The following HOOK3 variants were observed in gnomAD, a reference collection of about 807,000 sequenced individuals.
HOOK3 encodes protein Hook homolog 3.
A neutral mutation model predicts 116.3 loss-of-function variants in HOOK3; 24 were observed. The observed-to-expected ratio is 0.21, with a 90% CI of 0.15 to 0.29. The LOEUF is 0.29. HOOK3 is among the 10% of genes least tolerant of loss of function. The pLI is 1.00. For missense variants in HOOK3, 632 were observed against 830.2 expected, an observed-to-expected ratio of 0.76 and a Z score of 2.93; for synonymous variants, 275 against 283.0, an observed-to-expected ratio of 0.97 and a Z score of 0.28.
intron 4 of HOOK3, among the ~76,000 whole-genome samples, chr8:42,933,256 A>G (rs1305375171): frequency 6.6e-6 from 1 of 152,236 alleles, no homozygotes; most frequent in Middle Eastern, 3.2e-3. Flanking sequence ...TATATGCCAT[A>G]TGATACCAGT....
In HOOK3 at chr8:43,027,732, A is replaced by C. The variant is rs1305134147; in HGVS notation, c.*9234A>C. The C allele has an allele frequency of 9.5e-6, 2 of 210,826 alleles. No individual in the cohort carries two copies. The highest frequency in any genetic ancestry group is 1.9e-5 in the Non-Finnish European group (2 of 103,266). 13.1% of individuals were successfully genotyped at this position (210,826 alleles called of 1,614,324 possible). ...TTCTTGTTAACCTAGACAAGAGTAG[A>C]TTATTCAGTAGCCACATGTGACAGT... On this transcript the variant is annotated 3_prime_UTR_variant, in exon 22 of 22. Transcript: ENST00000307602.
intron 13 of HOOK3, among the ~76,000 whole-genome samples, chr8:42,975,899 G>T (rs7833510): frequency 1.0e-3 from 157 of 152,126 alleles, no homozygotes; most frequent in African/African-American, 3.6e-3. Flanking sequence ...TAGAGACAGG[G>T]TTTCACCGTG....
intron 14 of HOOK3, among the ~76,000 whole-genome samples, 187 bp downstream of exon 14, chr8:42,982,883 T>G (rs1808978711): frequency 6.6e-6 from 1 of 152,120 alleles, no homozygotes; most frequent in African/African-American, 2.4e-5. Flanking sequence ...GAAAATTGAT[T>G]TGCTCACTTC....
At chr8:42,900,572 T>C (rs1310179437) in intron 1 of HOOK3, among the ~76,000 whole-genome samples, 7 of 152,184 alleles carry the variant, frequency 4.6e-5, no homozygotes, top group Non-Finnish European at 1.0e-4. Flanking sequence ...CATTCCATTC[T>C]CCTCTGCCTA....
intron 13 of HOOK3, among the ~76,000 whole-genome samples, chr8:42,979,105 A>T (rs1332871168): frequency 1.3e-5 from 2 of 152,068 alleles, no homozygotes; most frequent in African/African-American, 4.8e-5. Context: ...CTAAATATAT[A>T]TTATAAAAAT....
chr8:43,015,206 G>A (rs985934554), intron 21 of HOOK3, among the ~76,000 whole-genome samples: 8 of 151,928 alleles, frequency 5.3e-5, no homozygotes, highest in Admixed American at 1.3e-4. Context: ...AGAGGAAATC[G>A]TATCAGAGTT....
At chr8:42,988,865 G>GT (rs1031490578) in intron 15 of HOOK3, among the ~76,000 whole-genome samples, 1 of 152,096 alleles carries the variant, frequency 6.6e-6, no homozygotes, top group Non-Finnish European at 1.5e-5. Flanking sequence ...CTCACAGGAT[G>GT]TTTTTTCTCC....
intron 10 of HOOK3, 64 bp downstream of exon 10, chr8:42,966,677 T>C: frequency 6.4e-7 from 1 of 1,552,094 alleles, no homozygotes; most frequent in Non-Finnish European, 8.8e-7. Context: ...CTAGGGTTTC[T>C]GAGGATCTAG....
Position 43,025,539 on chromosome 8 carries a change from T to G in HOOK3, c.*7041T>G, listed in dbSNP as rs879471286. On this transcript the variant is annotated 3_prime_UTR_variant, in exon 22 of 22. Transcript: ENST00000307602. ...TTCAGTAAAAGAGTAAACAAATATC[T>G]AATTTATTTTCTAATTGTCCTTCCC... 9.4e-6 allele frequency: 2 copies of G among 211,714 alleles called. No homozygotes were observed. The highest frequency in any genetic ancestry group is 1.9e-4 in the South Asian group (1 of 5,358). 13.1% of individuals were successfully genotyped at this position (211,714 alleles called of 1,614,324 possible).
Position 42,906,153 on chromosome 8 carries a change from C to G in HOOK3, c.58-20C>G, listed in dbSNP as rs200253742. 8.1e-5 allele frequency: 90 copies of G among 1,112,704 alleles called. 6 individuals are homozygous for G. Among genetic ancestry groups the G allele is most frequent in the Middle Eastern group, 4.3e-4 (2 of 4,696 alleles). 68.9% of individuals were successfully genotyped at this position (1,112,704 alleles called of 1,614,324 possible). ...GGTAACCACAGAATCTCTCCCCCCCCCCTCTTTTTTTCCCTTCAGATCCAG... is the reference window on the plus strand; with the variant it reads ...GGTAACCACAGAATCTCTCCCCCCCGCCTCTTTTTTTCCCTTCAGATCCAG... On this transcript the variant is annotated intron_variant, in intron 1 of 21. Transcript: ENST00000307602.
Position 43,027,841 on chromosome 8 carries a change from T to TA in HOOK3, c.*9344dup, listed in dbSNP as rs1343455854. ...TCCACAGTCACATGTGGATAGTAGT[T>TA]ACCTATCAGACAGTACAGGTATAGA... is the stretch of plus-strand genomic sequence containing the variant. On this transcript the variant is annotated 3_prime_UTR_variant, in exon 22 of 22. Coordinates refer to ENST00000307602, the MANE Select transcript of HOOK3 (RefSeq NM_032410.4). The TA allele has an allele frequency of 4.9e-6, 1 of 203,130 alleles. No homozygotes were observed. Among genetic ancestry groups the TA allele is most frequent in the African/African-American group, 2.3e-5 (1 of 43,636 alleles). The allele number at this position is 203,130 out of a possible 1,614,324, so 12.6% of individuals were successfully genotyped here. A position where few individuals can be genotyped will look rare whatever the true frequency, so the allele number is the denominator to read the frequency against.
At chr8:43,015,438 G>A (rs776102136) in intron 21 of HOOK3, among the ~76,000 whole-genome samples, 3 of 152,020 alleles carry the variant, frequency 2.0e-5, no homozygotes, top group Non-Finnish European at 4.4e-5. Context: ...CAGGAGAATC[G>A]CCTGAACCCA....
chr8:43,008,950 C>T (rs955920223), intron 18 of HOOK3, among the ~76,000 whole-genome samples: 57 of 151,990 alleles, frequency 3.8e-4, no homozygotes, highest in Middle Eastern at 3.4e-3. Context: ...TGAGCCACCG[C>T]GCCCGGCCTA....
At chr8:43,003,672 TAGA>T (rs1480726456) in intron 17 of HOOK3, among the ~76,000 whole-genome samples, 1 of 152,218 alleles carries the variant, frequency 6.6e-6, no homozygotes, top group African/African-American at 2.4e-5. Flanking sequence ...TTCTGGAGGC[TAGA>T]AGAACCAAGG....
At chr8:42,962,195 A>C (rs1586611349) in intron 8 of HOOK3, among the ~76,000 whole-genome samples, 1 of 147,776 alleles carries the variant, frequency 6.8e-6, no homozygotes, top group East Asian at 2.0e-4. Flanking sequence ...TGATCCTCCC[A>C]CCTCAGCCTT....
intron 4 of HOOK3, among the ~76,000 whole-genome samples, chr8:42,934,050 T>C (rs1807919601): frequency 1.3e-5 from 2 of 151,956 alleles, no homozygotes; most frequent in Admixed American, 6.6e-5. Flanking sequence ...CTTATTATTA[T>C]TTATTTTATC....
chr8:42,920,801 A>G (rs1807642481), intron 2 of HOOK3, among the ~76,000 whole-genome samples: 1 of 152,200 alleles, frequency 6.6e-6, no homozygotes, highest in African/African-American at 2.4e-5. Context: ...ATGTTCCTTA[A>G]CTATAACATA....
chr8:42,919,412 A>G (rs1181357858), intron 2 of HOOK3, among the ~76,000 whole-genome samples: 1 of 142,332 alleles, frequency 7.0e-6, no homozygotes, highest in East Asian at 2.2e-4. Flanking sequence ...CGCTCCCCAC[A>G]TCCCAGACGA....
Position 43,027,484 on chromosome 8 carries a change from C to T in HOOK3, c.*8986C>T, listed in dbSNP as rs1809953463. On this transcript the variant is annotated 3_prime_UTR_variant, in exon 22 of 22. Coordinates refer to ENST00000307602, the MANE Select transcript of HOOK3 (RefSeq NM_032410.4). ...TTTCTCTTCTACCTTACCCCCTGTTCTACTGACGTGCTTTGCATGAGAAGC... is the reference window on the plus strand; with the variant it reads ...TTTCTCTTCTACCTTACCCCCTGTTTTACTGACGTGCTTTGCATGAGAAGC... 3 of 459,790 alleles carry T rather than the reference C, an allele frequency of 6.5e-6. No individual in the cohort carries two copies. The highest frequency in any genetic ancestry group is 2.7e-5 in the Admixed American group (1 of 36,414). 28.5% of individuals were successfully genotyped at this position (459,790 alleles called of 1,614,324 possible).
Sources: gnomAD v4.1 joint callset for allele counts (sites outside exome capture counted in the v4.1 genomes callset) on GRCh38, gnomAD v4.1.1 for gene constraint, MANE v1.5 for transcripts, NCBI Gene and HGNC (gene_info 2026-07-23, HGNC 2026-07-21) for gene names.